Variants in INPP4B observed in about 807,000 individuals in gnomAD.
INPP4B encodes inositol polyphosphate 4-phosphatase type II.
INPP4B carries 55 observed loss-of-function variants against 122.5 expected under a neutral mutation model. That is an observed-to-expected ratio of 0.45 (90% confidence interval 0.36 to 0.56). The LOEUF (loss-of-function observed/expected upper bound fraction) is 0.56. INPP4B is among the 20% of genes least tolerant of loss of function. The pLI is 0.00. For missense variants in INPP4B, 1,000 were observed against 1,097.7 expected (o/e 0.91, Z 1.26); for synonymous variants, 403 against 388.7 (o/e 1.04, Z -0.43).
At chr4:142,458,518 T>G (rs1181606712) in intron 3 of INPP4B, among the ~76,000 whole-genome samples, 1 of 151,968 alleles carries the variant, frequency 6.6e-6, no homozygotes, top group Non-Finnish European at 1.5e-5. Flanking sequence ...TTATTATTAA[T>G]ATGGCCAGGA....
chr4:142,100,874 C>T (rs1784178215), intron 23 of INPP4B, among the ~76,000 whole-genome samples: 1 of 152,072 alleles, frequency 6.6e-6, no homozygotes, highest in South Asian at 2.1e-4. Context: ...GAGAGGCTCT[C>T]TTAACATTCA....
chr4:142,632,512 G>A (rs1385138837), intron 2 of INPP4B, among the ~76,000 whole-genome samples: 1 of 151,742 alleles, frequency 6.6e-6, no homozygotes, highest in Non-Finnish European at 1.5e-5. Context: ...GAAATAATAG[G>A]ACCTAGTATT....
At position 142,376,271 on chromosome 4, in the gene INPP4B, T is replaced by C. The variant is rs186108205; in HGVS notation, c.372+26667A>G. On this transcript the variant is annotated intron_variant, in intron 7 of 25. Transcript: ENST00000262992. ...TTCTTCCCACCTGACTATTTTCATCTTGATATTATCAGCATCCTGGGATAA... is the reference window on the plus strand; with the variant it reads ...TTCTTCCCACCTGACTATTTTCATCCTGATATTATCAGCATCCTGGGATAA... 2.0e-5 allele frequency among the ~76,000 whole-genome samples: 3 copies of C among 152,106 alleles called. No individual in the cohort carries two copies. The East Asian group carries it at 5.8e-4, about 29-fold the overall frequency.
intron 10 of INPP4B, among the ~76,000 whole-genome samples, chr4:142,270,348 A>G (rs781210662): frequency 2.6e-5 from 4 of 152,188 alleles, no homozygotes; most frequent in Non-Finnish European, 4.4e-5. Context: ...GGCATCTCAC[A>G]TAGAGTTAAT....
chr4:142,080,112 G>T (rs1022473880), intron 25 of INPP4B, among the ~76,000 whole-genome samples: 1 of 152,062 alleles, frequency 6.6e-6, no homozygotes, highest in Non-Finnish European at 1.5e-5. Flanking sequence ...TGAGGAAACT[G>T]AGAGGTACAA....
intron 12 of INPP4B, among the ~76,000 whole-genome samples, chr4:142,217,049 C>CTTT (rs1847592481): frequency 1.3e-5 from 2 of 152,218 alleles, no homozygotes; most frequent in South Asian, 4.1e-4. Context: ...AGGTTCTTTC[C>CTTT]TTTACTGTAC....
At chr4:142,820,684 A>G (rs1780692367) in intron 1 of INPP4B, among the ~76,000 whole-genome samples, 1 of 152,118 alleles carries the variant, frequency 6.6e-6, no homozygotes, top group South Asian at 2.1e-4. Context: ...AGAACTTTCC[A>G]TATTTCAGTT....
At chr4:142,164,381 C>A (rs1821657976) in intron 16 of INPP4B, among the ~76,000 whole-genome samples, 1 of 151,854 alleles carries the variant, frequency 6.6e-6, no homozygotes, top group African/African-American at 2.4e-5. Flanking sequence ...AATACAGAAG[C>A]AGCCAATGGC....
intron 1 of INPP4B, among the ~76,000 whole-genome samples, chr4:142,746,659 G>A (rs1237462078): frequency 1.3e-5 from 2 of 152,056 alleles, no homozygotes; most frequent in Non-Finnish European, 2.9e-5. Flanking sequence ...GCATGGTACT[G>A]GTACCAAAAC....
intron 16 of INPP4B, among the ~76,000 whole-genome samples, chr4:142,163,948 A>G (rs1821411477): frequency 6.6e-6 from 1 of 151,926 alleles, no homozygotes; most frequent in South Asian, 2.1e-4. Context: ...AGAGTAGGGC[A>G]AACAATTTAT....
intron 2 of INPP4B, among the ~76,000 whole-genome samples, chr4:142,621,714 T>C (rs1005490303): frequency 6.6e-6 from 1 of 151,860 alleles, no homozygotes; most frequent in Non-Finnish European, 1.5e-5. Flanking sequence ...GTGGATTAAA[T>C]ATGATGTAAT....
At chr4:142,029,058 A>T (rs1172126379) in intron 25 of INPP4B, 144 bp from the exon 26 acceptor site, 1 of 1,404,712 alleles carries the variant, frequency 7.1e-7, no homozygotes, top group East Asian at 2.6e-5. Flanking sequence ...AAGTGATGAT[A>T]CATCTTACAA....
At chr4:142,579,108 AC>A (rs1734464049) in intron 2 of INPP4B, among the ~76,000 whole-genome samples, 1 of 152,054 alleles carries the variant, frequency 6.6e-6, no homozygotes, top group South Asian at 2.1e-4. Context: ...AGTTCCTAAA[AC>A]AAAGTCTACA....
At chr4:142,822,435 G>T (rs1313907476) in intron 1 of INPP4B, among the ~76,000 whole-genome samples, 2 of 152,118 alleles carry the variant, frequency 1.3e-5, no homozygotes, top group Non-Finnish European at 2.9e-5. Context: ...GAGGTGAGCT[G>T]CAGGAGAGTG....
intron 8 of INPP4B, among the ~76,000 whole-genome samples, chr4:142,307,727 T>C (rs945621905): frequency 1.3e-5 from 2 of 152,232 alleles, no homozygotes; most frequent in Non-Finnish European, 2.9e-5. Context: ...CTGATAATCA[T>C]AGCTTTTAAA....
At chr4:142,605,424 A>G (rs1162049490) in intron 2 of INPP4B, among the ~76,000 whole-genome samples, 1 of 152,052 alleles carries the variant, frequency 6.6e-6, no homozygotes. Context: ...AAATAGACAA[A>G]TGGGACTATA....
rs2149161532 is a variant in INPP4B, at chr4:142,403,043, G to A, written c.267C>T (p.Asp89=). ...SSTEIVEGTR[D]PLFLTGVTFP... ...ATGTGACACCAGTCAAAAACAGTGGGTCCCTTGTTCCCTGTAACAGCACAA... is the reference window on the plus strand; with the variant it reads ...ATGTGACACCAGTCAAAAACAGTGGATCCCTTGTTCCCTGTAACAGCACAA... Residue 89 remains aspartate, a synonymous_variant, in exon 7 of 26, where the codon GAC becomes GAT. Transcript: ENST00000262992. 6.2e-7 allele frequency: 1 copy of A among 1,600,436 alleles called. No individual in the cohort carries two copies. Among genetic ancestry groups the A allele is most frequent in the South Asian group, 1.1e-5 (1 of 90,770 alleles).
At chr4:142,551,467 TA>T (rs1196673539) in intron 2 of INPP4B, among the ~76,000 whole-genome samples, 1 of 152,204 alleles carries the variant, frequency 6.6e-6, no homozygotes, top group Non-Finnish European at 1.5e-5. Flanking sequence ...TCTCAAGGTG[TA>T]AAAATGTCCA....
intron 2 of INPP4B, among the ~76,000 whole-genome samples, chr4:142,599,832 C>A (rs1210312710): frequency 6.6e-6 from 1 of 151,602 alleles, no homozygotes; most frequent in African/African-American, 2.4e-5. Context: ...AGATATATAT[C>A]TTAAAAAGAA....
Sources: allele counts gnomAD v4.1 joint callset (sites outside exome capture counted in the v4.1 genomes callset), GRCh38; gene constraint gnomAD v4.1.1; transcripts MANE v1.5; gene names NCBI Gene and HGNC (gene_info 2026-07-23, HGNC 2026-07-21).